LRRCC1: variants seen among roughly 807,000 people sequenced by gnomAD.
The protein encoded by LRRCC1 is leucine rich repeat and coiled-coil centrosomal protein 1.
A neutral mutation model predicts 126.0 loss-of-function variants in LRRCC1; 115 were observed. The observed-to-expected ratio is 0.91, with a 90% CI of 0.78 to 1.07. The LOEUF (loss-of-function observed/expected upper bound fraction) is 1.07. LRRCC1 is among the 50% of genes least tolerant of loss of function. The pLI is 0.00. For missense variants in LRRCC1, 1,172 were observed against 1,175.7 expected (o/e 1.00, Z 0.05); for synonymous variants, 400 against 393.4 (o/e 1.02, Z -0.20).
intron 17 of LRRCC1, 58 bp from the exon 18 acceptor site, chr8:85,141,324 A>G (rs902205967): frequency 9.2e-6 from 13 of 1,416,522 alleles, no homozygotes; most frequent in Non-Finnish European, 1.3e-5. Flanking sequence ...TAACATCCTA[A>G]TCTTTACATT....
chr8:85,136,555 G>A (rs1810886475), intron 14 of LRRCC1, among the ~76,000 whole-genome samples: 3 of 152,060 alleles, frequency 2.0e-5, no homozygotes, highest in Non-Finnish European at 2.9e-5. Context: ...GATTACAGGC[G>A]TGACCCACCG....
chr8:85,130,227 C>T (rs1280865566), intron 11 of LRRCC1, among the ~76,000 whole-genome samples, 169 bp downstream of exon 11: 2 of 151,532 alleles, frequency 1.3e-5, no homozygotes, highest in Admixed American at 6.6e-5. Context: ...GCTCTGCCTC[C>T]CGAGTTCACG....
Position 85,115,314 on chromosome 8 carries a change from C to A in LRRCC1, c.720+39C>A, listed in dbSNP as rs370517362. 6.5e-5 allele frequency: 101 copies of A among 1,561,138 alleles called. 1 individual carries two copies. The highest frequency in any genetic ancestry group is 8.1e-5 in the Non-Finnish European group (93 of 1,147,606). ...TTTTTTTTTCCTAATATAAAAAATACCTTCAAATTTCAATAAGTGAATATA... is the reference window on the plus strand; with the variant it reads ...TTTTTTTTTCCTAATATAAAAAATAACTTCAAATTTCAATAAGTGAATATA... On this transcript the variant is annotated intron_variant, in intron 5 of 18. Transcript: ENST00000360375.
At chr8:85,111,080 G>A (rs1017749860) in intron 3 of LRRCC1, among the ~76,000 whole-genome samples, 1 of 152,082 alleles carries the variant, frequency 6.6e-6, no homozygotes, top group Non-Finnish European at 1.5e-5. Context: ...TGAAGTATTA[G>A]AACTGAGTTT....
At chr8:85,124,989 A>G (rs753190603) in intron 8 of LRRCC1, 50 bp downstream of exon 8, 1 of 1,347,778 alleles carries the variant, frequency 7.4e-7, no homozygotes, top group Non-Finnish European at 1.0e-6. Context: ...TTTTAAATAC[A>G]GAGTCCCAGA....
At chr8:85,122,615 T>C (rs1182509145) in intron 6 of LRRCC1, among the ~76,000 whole-genome samples, 1 of 152,240 alleles carries the variant, frequency 6.6e-6, no homozygotes, top group Admixed American at 6.5e-5. Flanking sequence ...TTTTCATTTA[T>C]GACAGGTGTA....
At chr8:85,119,388 G>A (rs926070090) in intron 6 of LRRCC1, among the ~76,000 whole-genome samples, 1 of 151,938 alleles carries the variant, frequency 6.6e-6, no homozygotes, top group Non-Finnish European at 1.5e-5. Flanking sequence ...TCAGAGAATA[G>A]ACTTTTGGCT....
intron 7 of LRRCC1, among the ~76,000 whole-genome samples, chr8:85,124,472 T>C (rs1198443983): frequency 6.6e-6 from 1 of 152,212 alleles, no homozygotes; most frequent in African/African-American, 2.4e-5. Flanking sequence ...TTCTATTTAC[T>C]GTCTTTTCAA....
At position 85,145,639 on chromosome 8, in the gene LRRCC1, T is replaced by C; in HGVS notation, c.*128T>C. ...TCTATACATTTCATTATGAATATAT[T>C]TTTAAAGACTTTTGATCAAGTATTT... On this transcript the variant is annotated 3_prime_UTR_variant, in exon 19 of 19. Transcript: ENST00000360375. 1 of 676,352 alleles carries C rather than the reference T, an allele frequency of 1.5e-6. No homozygotes were observed. Among genetic ancestry groups the C allele is most frequent in the Non-Finnish European group, 2.2e-6 (1 of 454,836 alleles). 41.9% of individuals were successfully genotyped at this position (676,352 alleles called of 1,614,324 possible).
intron 1 of LRRCC1, chr8:85,107,660 C>T: frequency 3.0e-6 from 1 of 328,476 alleles, no homozygotes; most frequent in Non-Finnish European, 5.5e-6. Flanking sequence ...TGCCCCAGGA[C>T]CTTGTCCTCC....
intron 3 of LRRCC1, among the ~76,000 whole-genome samples, chr8:85,110,539 A>G (rs145809941): frequency 0.011 from 1,728 of 152,364 alleles, 21 homozygotes; most frequent in Admixed American, 0.018. Flanking sequence ...GTGCTGTTCA[A>G]TATGGCAGCC....
chr8:85,136,279 CT>C (rs371836707), intron 14 of LRRCC1, among the ~76,000 whole-genome samples: 96 of 146,134 alleles, frequency 6.6e-4, no homozygotes, highest in Admixed American at 1.0e-3. Flanking sequence ...AAAAATAATT[CT>C]TTTTTTTTTT....
chr8:85,129,342 A>T lies in LRRCC1; in HGVS notation c.1589A>T (p.Lys530Ile), dbSNP rs1476730988. ...HLRTLEKTLE[K>I]MERQKRQQQA... ...AGAACCCTCGAAAAAACATTAGAAA[A>T]AATGGAGAGACAAAAAAGGCAGCAG... Residue 530 changes from lysine to isoleucine, a missense_variant, in exon 10 of 19, where the codon AAA (lysine) becomes ATA (isoleucine). Transcript: ENST00000360375. The T allele has an allele frequency of 6.2e-7, 1 of 1,612,330 alleles. No individual in the cohort carries two copies. Among genetic ancestry groups the T allele is most frequent in the African/African-American group, 1.3e-5 (1 of 74,816 alleles).
intron 8 of LRRCC1, among the ~76,000 whole-genome samples, 172 bp downstream of exon 8, chr8:85,125,111 C>A (rs16913600): frequency 0.58 from 88,776 of 151,930 alleles, 27,684 homozygotes; most frequent in Admixed American, 0.69. Context: ...TATTTTTGAA[C>A]GAATGAAAAT....
Position 85,131,131 on chromosome 8 carries a change from G to A in LRRCC1, c.1767-629G>A, listed in dbSNP as rs138877043. 1.4e-4 allele frequency among the ~76,000 whole-genome samples: 21 copies of A among 152,296 alleles called. No homozygotes were observed. The East Asian group carries it at 2.5e-3, about 18-fold the overall frequency. On this transcript the variant is annotated intron_variant, in intron 11 of 18. Coordinates refer to ENST00000360375, the MANE Select transcript of LRRCC1 (RefSeq NM_033402.5). ...GGGAAAATTGTTATCTTGTATAGAT[G>A]AGACAATTATAAAAGATTGGGGGAA... is the stretch of plus-strand genomic sequence containing the variant.
intron 6 of LRRCC1, among the ~76,000 whole-genome samples, chr8:85,119,766 G>A (rs1809395432): frequency 6.6e-6 from 1 of 152,100 alleles, no homozygotes; most frequent in Admixed American, 6.5e-5. Context: ...CCAAAGTGCT[G>A]GGATTACAGG....
In LRRCC1 at chr8:85,109,811, G is replaced by T; in HGVS notation, c.310+11G>T. ...TTACAAAAGTAGAAGGTTTGTAAGT[G>T]ATTTTCATTTAACACTTAGCGTAAG... On this transcript the variant is annotated intron_variant, in intron 2 of 18. Transcript: ENST00000360375. 6.9e-7 allele frequency: 1 copy of T among 1,445,608 alleles called. No homozygotes were observed. The highest frequency in any genetic ancestry group is 1.3e-5 in the South Asian group (1 of 78,452). 89.5% of individuals were successfully genotyped at this position (1,445,608 alleles called of 1,614,324 possible). A position where few individuals can be genotyped will look rare whatever the true frequency, so the allele number is the denominator to read the frequency against.
In LRRCC1 at chr8:85,138,341, A is replaced by C. The variant is rs767698846; in HGVS notation, c.2706A>C (p.Thr902=). The change falls in exon 17 of 19, where the codon ACA becomes ACC. Residue 902 remains threonine (T), a synonymous_variant. Coordinates refer to ENST00000360375, the MANE Select transcript of LRRCC1 (RefSeq NM_033402.5). ...TTCAAATTACTTCTCATATTAGTAC[A>C]CTGAATCGGAAGTGGCATGATAAAG... ...ELEEIRKAYS[T]LNRKWHDKGE... is the part of the protein sequence containing the mutation. 6.2e-7 allele frequency: 1 copy of C among 1,602,144 alleles called. No homozygotes were observed. The highest frequency in any genetic ancestry group is 8.5e-7 in the Non-Finnish European group (1 of 1,176,394).
chr8:85,121,994 C>G (rs1809598493), intron 6 of LRRCC1, among the ~76,000 whole-genome samples: 1 of 152,188 alleles, frequency 6.6e-6, no homozygotes, highest in African/African-American at 2.4e-5. Context: ...AGCGTTACAT[C>G]TGTGGATACT....
Sources: gnomAD v4.1 joint callset for allele counts (sites outside exome capture counted in the v4.1 genomes callset) on GRCh38, gnomAD v4.1.1 for gene constraint, MANE v1.5 for transcripts, NCBI Gene and HGNC (gene_info 2026-07-23, HGNC 2026-07-21) for gene names.